Variants in CCDC124 observed in about 807,000 individuals in gnomAD.
CCDC124 encodes the protein coiled-coil domain-containing protein 124.
In CCDC124, 9 loss-of-function variants were observed where a neutral mutation model predicts 19.8. The observed-to-expected ratio is 0.45, with a 90% CI of 0.27 to 0.79. CCDC124 has a LOEUF of 0.79. CCDC124 is among the 30% of genes least tolerant of loss of function. CCDC124 has a pLI of 0.14. For missense variants in CCDC124, 285 were observed against 319.0 expected (o/e 0.89, Z 0.81); for synonymous variants, 126 against 131.3 (o/e 0.96, Z 0.27).
chr19:17,936,691 C>G, intron 2 of CCDC124, 112 bp downstream of exon 2: 1 of 1,316,148 alleles, frequency 7.6e-7, no homozygotes, highest in Non-Finnish European at 1.0e-6. Context: ...GTCTGAAAGG[C>G]CAGGAGGGAC....
In CCDC124 at chr19:17,942,005, C is replaced by T. The variant is rs2031194099; in HGVS notation, c.160-651C>T. ...GTGGGCTTGCTCGGCCCCCTGGGGTCCGTGCAGGCCAGGGCAAGGGCAAGT... is the reference window on the plus strand; with the variant it reads ...GTGGGCTTGCTCGGCCCCCTGGGGTTCGTGCAGGCCAGGGCAAGGGCAAGT... On this transcript the variant is annotated intron_variant, in intron 2 of 4. Transcript: ENST00000445755. The surrounding 1 kb of genome is among the most constrained non-coding windows in gnomAD (Gnocchi z 4.2). Among the ~76,000 whole-genome samples, 1 of 152,120 alleles carries T rather than the reference C, an allele frequency of 6.6e-6. No homozygotes were observed. The highest frequency in any genetic ancestry group is 2.1e-4 in the South Asian group (1 of 4,834).
chr19:17,938,208 T>C (rs1174031422), intron 2 of CCDC124, among the ~76,000 whole-genome samples: 1 of 151,882 alleles, frequency 6.6e-6, no homozygotes. Flanking sequence ...TGCATGGTAG[T>C]GTGTGCCTGT....
intron 1 of CCDC124, among the ~76,000 whole-genome samples, chr19:17,934,505 G>T (rs1568437356): frequency 6.6e-6 from 1 of 152,116 alleles, no homozygotes; most frequent in East Asian, 1.9e-4. Context: ...GGAACGAAGG[G>T]CCAGGCGCAG....
At chr19:17,936,289 T>G in intron 1 of CCDC124, 121 bp from the exon 2 acceptor site, 1 of 809,034 alleles carries the variant, frequency 1.2e-6, no homozygotes, top group Non-Finnish European at 1.9e-6. Flanking sequence ...GCCCTTGTTT[T>G]ATACAGAGAA....
rs894755645 is a variant in CCDC124, at chr19:17,942,038, C to G, written c.160-618C>G. Among the ~76,000 whole-genome samples, 3 of 152,132 alleles carry G rather than the reference C, an allele frequency of 2.0e-5. No homozygotes were observed. ...GCCAGGGCAAGGGCAAGTCCCGTAGCCCAGATGTCCCTCATCCAGCCAGCA... is the reference window on the plus strand; with the variant it reads ...GCCAGGGCAAGGGCAAGTCCCGTAGGCCAGATGTCCCTCATCCAGCCAGCA... On this transcript the variant is annotated intron_variant, in intron 2 of 4. Coordinates refer to ENST00000445755, the MANE Select transcript of CCDC124 (RefSeq NM_001136203.2). This position sits in a 1 kb window ranked among gnomAD's most constrained non-coding sequence, Gnocchi z 4.2.
At position 17,936,461 on chromosome 19, in the gene CCDC124, C is replaced by T. The variant is rs368274987; in HGVS notation, c.41C>T (p.Ala14Val). The T allele has an allele frequency of 8.1e-5, 130 of 1,613,182 alleles. No homozygotes were observed. In the South Asian group the frequency reaches 1.1e-3, roughly 13 times the overall value. Residue 14 changes from alanine (A) to valine (V), a missense_variant, in exon 2 of 5, where the codon GCG becomes GTG. Ala to Val is a moderately conservative substitution (Grantham distance 64). Coordinates refer to ENST00000445755, the MANE Select transcript of CCDC124 (RefSeq NM_001136203.2). Reference sequence around the variant, plus strand: ...CAGGGTGAGAACACCAAGTCGGCAGCGGCCCGGGCACGTAGGGCAGAGGCC... The same window carrying T: ...CAGGGTGAGAACACCAAGTCGGCAGTGGCCCGGGCACGTAGGGCAGAGGCC... ...KFQGENTKSA[A>V]ARARRAEAKA... is the part of the protein sequence containing the mutation.
Position 17,943,658 on chromosome 19 carries a change from C to CCGCTCTCCTGACAACCCCATGAACCAG in CCDC124, c.618_644dup (p.Ser207_Arg215dup). 1 of 1,612,938 alleles carries CCGCTCTCCTGACAACCCCATGAACCAG rather than the reference C, an allele frequency of 6.2e-7. No homozygotes were observed. Among genetic ancestry groups the CCGCTCTCCTGACAACCCCATGAACCAG allele is most frequent in the Non-Finnish European group, 8.5e-7 (1 of 1,179,966 alleles). On this transcript the variant is annotated inframe_insertion, in exon 5 of 5. Transcript: ENST00000445755. ...AACAGCTGCTCAAGAAGGAGTGGCTCCGCTCTCCTGACAACCCCATGAACC... is the reference window on the plus strand; with the variant it reads ...AACAGCTGCTCAAGAAGGAGTGGCTCCGCTCTCCTGACAACCCCATGAACCAGCGCTCTCCTGACAACCCCATGAACC...
At chr19:17,943,450 C>G in intron 4 of CCDC124, 58 bp from the exon 5 acceptor site, 2 of 1,570,732 alleles carry the variant, frequency 1.3e-6, no homozygotes, top group Non-Finnish European at 1.7e-6. Flanking sequence ...GGGGCGGGGC[C>G]GGGCTTTTCG....
At chr19:17,937,613 C>G (rs2031093488) in intron 2 of CCDC124, among the ~76,000 whole-genome samples, 1 of 151,994 alleles carries the variant, frequency 6.6e-6, no homozygotes. Flanking sequence ...CAGGACGCCC[C>G]CACAGCAAAG....
chr19:17,936,718 C>G, intron 2 of CCDC124, 139 bp downstream of exon 2: 1 of 1,060,480 alleles, frequency 9.4e-7, no homozygotes, highest in East Asian at 2.7e-5. Context: ...CTGTCGCTCA[C>G]GCCTGTCATC....
intron 4 of CCDC124, 38 bp from the exon 5 acceptor site, chr19:17,943,470 T>A: frequency 6.3e-7 from 1 of 1,597,816 alleles, no homozygotes; most frequent in Non-Finnish European, 8.5e-7. Context: ...GGGGCAAGGC[T>A]GCGCCCAAGG....
At chr19:17,940,114 T>C (rs1006407920) in intron 2 of CCDC124, among the ~76,000 whole-genome samples, 6 of 151,376 alleles carry the variant, frequency 4.0e-5, no homozygotes, top group African/African-American at 1.5e-4. Context: ...GGTTTCACCA[T>C]GTTGGCCAGG....
In CCDC124 at chr19:17,942,882, C is replaced by T. The variant is rs1057346419; in HGVS notation, c.349+37C>T. On this transcript the variant is annotated intron_variant, in intron 3 of 4. Coordinates refer to ENST00000445755, the MANE Select transcript of CCDC124 (RefSeq NM_001136203.2). The surrounding 1 kb of genome is among the most constrained non-coding windows in gnomAD (Gnocchi z 4.2). ...TCCCGCTCTGGAGCTGCACTTTTGCCCACTGCAGAGGCAGTGGACCTTGAG... is the reference window on the plus strand; with the variant it reads ...TCCCGCTCTGGAGCTGCACTTTTGCTCACTGCAGAGGCAGTGGACCTTGAG... 2.0e-6 allele frequency: 3 copies of T among 1,473,388 alleles called. No homozygotes were observed. The highest frequency in any genetic ancestry group is 2.5e-4 in the Middle Eastern group (1 of 3,984). The allele number at this position is 1,473,388 out of a possible 1,614,324, so 91.3% of individuals were successfully genotyped here. A position where few individuals can be genotyped will look rare whatever the true frequency, so the allele number is the denominator to read the frequency against.
Position 17,943,982 on chromosome 19 carries a change from G to C in CCDC124, c.*267G>C, listed in dbSNP as rs1303874421. 4 of 539,906 alleles carry C rather than the reference G, an allele frequency of 7.4e-6. No individual in the cohort carries two copies. In the East Asian group the frequency reaches 1.2e-4, roughly 17 times the overall value. The allele number at this position is 539,906 out of a possible 1,614,324, so 33.4% of individuals were successfully genotyped here. ...AAAGGTGGCGGCAAGGCTGCGGTGA[G>C]GCACTTGAAGCCTAAGTGAGTGGGT... On this transcript the variant is annotated 3_prime_UTR_variant, in exon 5 of 5. Coordinates refer to ENST00000445755, the MANE Select transcript of CCDC124 (RefSeq NM_001136203.2).
In CCDC124 at chr19:17,942,495, CG is replaced by C. The variant is rs1411476097; in HGVS notation, c.160-160del. 3.9e-5 allele frequency among the ~76,000 whole-genome samples: 6 copies of C among 152,180 alleles called. No homozygotes were observed. The highest frequency in any genetic ancestry group is 3.3e-4 in the Admixed American group (5 of 15,282). ...GTTCCCCTGTTGGCCTCACATCCCC[CG>C]CCCAGGGCAGCACCGGGACCTATCT... On this transcript the variant is annotated intron_variant, in intron 2 of 4. Coordinates refer to ENST00000445755, the MANE Select transcript of CCDC124 (RefSeq NM_001136203.2). This position sits in a 1 kb window ranked among gnomAD's most constrained non-coding sequence, Gnocchi z 4.2.
chr19:17,939,263 C>T (rs1178779247), intron 2 of CCDC124, among the ~76,000 whole-genome samples: 4 of 151,962 alleles, frequency 2.6e-5, no homozygotes, highest in Non-Finnish European at 5.9e-5. Context: ...GGCGTGGTGG[C>T]GCGCACCTGT....
At chr19:17,943,163 C>A in intron 3 of CCDC124, 98 bp from the exon 4 acceptor site, 1 of 1,031,492 alleles carries the variant, frequency 9.7e-7, no homozygotes, top group Non-Finnish European at 1.5e-6. Context: ...CGCCTTCCTC[C>A]CGCCCCTAGC....
In CCDC124 at chr19:17,938,706, C is replaced by T. The variant is rs371398840; in HGVS notation, c.159+2127C>T. 5.2e-4 allele frequency among the ~76,000 whole-genome samples: 79 copies of T among 152,290 alleles called. 2 individuals carry two copies. The South Asian group carries it at 0.016, about 30-fold the overall frequency. The stretch of plus-strand genomic sequence containing the variant: ...TCCCGAACTCAAGCAAGCCTCCTGC[C>T]TCAGCCTCCCAAGTAGCTGGGACTA... On this transcript the variant is annotated intron_variant, in intron 2 of 4. Coordinates refer to ENST00000445755, the MANE Select transcript of CCDC124 (RefSeq NM_001136203.2).
intron 2 of CCDC124, among the ~76,000 whole-genome samples, chr19:17,941,003 C>T (rs1336186314): frequency 2.0e-5 from 3 of 151,794 alleles, no homozygotes; most frequent in African/African-American, 4.8e-5. Context: ...GCCGAGATGG[C>T]GCCACTGCAC....
Sources: gnomAD v4.1 joint callset for allele counts (sites outside exome capture counted in the v4.1 genomes callset) on GRCh38, gnomAD v4.1.1 for gene constraint, Gnocchi (gnomAD v3.1) non-coding constraint, MANE v1.5 for transcripts, NCBI Gene and HGNC (gene_info 2026-07-23, HGNC 2026-07-21) for gene names.